NALCN: variants seen among roughly 807,000 people sequenced by gnomAD.
NALCN encodes the protein sodium leak channel NALCN.
A neutral mutation model predicts 225.3 loss-of-function variants in NALCN; 111 were observed. That is an observed-to-expected ratio of 0.49 (90% CI 0.42 to 0.58). The LOEUF is 0.58. NALCN is among the 20% of genes least tolerant of loss of function. The pLI is 0.00. For synonymous variants in NALCN, 764 were observed against 769.0 expected, an observed-to-expected ratio of 0.99 and a Z score of 0.11; for missense variants, 1,378 against 2,202.4, an observed-to-expected ratio of 0.63 and a Z score of 7.49.
At chr13:101,303,152 G>T (rs1426034709) in intron 7 of NALCN, among the ~76,000 whole-genome samples, 1 of 152,126 alleles carries the variant, frequency 6.6e-6, no homozygotes, top group Non-Finnish European at 1.5e-5. Flanking sequence ...ATGAAGACAG[G>T]ATTGATAACT....
rs886146595 is a variant in NALCN at position 101,292,150 on chromosome 13, C to T, written c.943-56G>A. On this transcript the variant is annotated intron_variant, in intron 8 of 43. Coordinates refer to ENST00000251127, the MANE Select transcript of NALCN (RefSeq NM_052867.4). This position sits in a 1 kb window ranked among gnomAD's most constrained non-coding sequence, Gnocchi z 4.3. ...AGTCTAAGAATGACAAAGCAGAGGG[C>T]AACCAAAACCAAACAAAAGATCTGC... 10 of 1,611,584 alleles carry T rather than the reference C, an allele frequency of 6.2e-6. No individual in the cohort carries two copies. The South Asian group carries it at 8.8e-5, about 14-fold the overall frequency.
At chr13:101,155,452 C>T (rs984161103) in intron 15 of NALCN, among the ~76,000 whole-genome samples, 3 of 152,068 alleles carry the variant, frequency 2.0e-5, no homozygotes, top group Admixed American at 6.6e-5. Flanking sequence ...CAGAGTGTCC[C>T]CCAATTTTGG....
chr13:101,413,256 A>G (rs1246280132), intron 1 of NALCN, among the ~76,000 whole-genome samples: 1 of 152,186 alleles, frequency 6.6e-6, no homozygotes. Flanking sequence ...GAAATTTATC[A>G]TAAATAAATT....
intron 31 of NALCN, 34 bp from the exon 32 acceptor site, chr13:101,083,232 G>T: frequency 6.5e-7 from 1 of 1,529,990 alleles, no homozygotes; most frequent in South Asian, 1.1e-5. Flanking sequence ...GGGCATTTTA[G>T]ACACAGGTCA....
chr13:101,353,792 T>C (rs1225888750), intron 6 of NALCN, among the ~76,000 whole-genome samples: 1 of 151,462 alleles, frequency 6.6e-6, no homozygotes, highest in Non-Finnish European at 1.5e-5. Context: ...ATAAAAATGG[T>C]AAAATTAAGT....
intron 7 of NALCN, among the ~76,000 whole-genome samples, chr13:101,301,211 T>G (rs1195759523): frequency 6.6e-6 from 1 of 152,194 alleles, no homozygotes. Flanking sequence ...GTGTAGGTAC[T>G]ACAGCAGAAC....
chr13:101,067,449 C>G (rs2762155), intron 39 of NALCN, among the ~76,000 whole-genome samples: 7,214 of 152,196 alleles, frequency 0.047, 544 homozygotes, highest in African/African-American at 0.16. Flanking sequence ...TTTAAGAAAC[C>G]TTGGGTAAAC....
At chr13:101,346,348 G>C (rs1034378124) in intron 6 of NALCN, among the ~76,000 whole-genome samples, 15 of 151,930 alleles carry the variant, frequency 9.9e-5, no homozygotes, top group Non-Finnish European at 2.9e-5. Flanking sequence ...ACGTTAACTT[G>C]TCTGAGGAGT....
chr13:101,105,362 C>T lies in NALCN; in HGVS notation c.2580-412G>A, dbSNP rs16958353. On this transcript the variant is annotated intron_variant, in intron 22 of 43. Coordinates refer to ENST00000251127, the MANE Select transcript of NALCN (RefSeq NM_052867.4). ...ACTCCATAATTTAAATAGACTTCTT[C>T]CCCCTGCATTTAACTGTGATGTGGT... 9.6e-3 allele frequency among the ~76,000 whole-genome samples: 1,456 copies of T among 152,206 alleles called. 19 individuals are homozygous for T. Among genetic ancestry groups the T allele is most frequent in the African/African-American group, 0.033 (1,365 of 41,542 alleles).
chr13:101,188,429 C>T (rs2039535833), intron 14 of NALCN, among the ~76,000 whole-genome samples: 1 of 152,034 alleles, frequency 6.6e-6, no homozygotes, highest in South Asian at 2.1e-4. Context: ...AGACCACTCC[C>T]CTAGGGATGG....
At chr13:101,296,596 T>C (rs1594624808) in intron 7 of NALCN, among the ~76,000 whole-genome samples, 1 of 152,240 alleles carries the variant, frequency 6.6e-6, no homozygotes, top group Admixed American at 6.5e-5. Context: ...ATTTTAATTA[T>C]AGAACTAAAA....
At chr13:101,192,779 C>T (rs1028282888) in intron 13 of NALCN, among the ~76,000 whole-genome samples, 1 of 152,176 alleles carries the variant, frequency 6.6e-6, no homozygotes, top group African/African-American at 2.4e-5. Flanking sequence ...TTCATTCTTA[C>T]ATATTTTTCT....
At chr13:101,253,817 G>A (rs1023571983) in intron 11 of NALCN, among the ~76,000 whole-genome samples, 15 of 152,278 alleles carry the variant, frequency 9.9e-5, no homozygotes, top group Middle Eastern at 3.4e-3. Context: ...TTGAGACAGA[G>A]AGAGGGTGGT....
intron 34 of NALCN, among the ~76,000 whole-genome samples, chr13:101,080,914 C>A (rs2033611927): frequency 6.6e-6 from 1 of 151,898 alleles, no homozygotes; most frequent in Non-Finnish European, 1.5e-5. Flanking sequence ...GTTCAGTACA[C>A]CCATAGCTGC....
In NALCN at chr13:101,082,886, G is replaced by A; in HGVS notation, c.3691-3C>T. 6.2e-7 allele frequency: 1 copy of A among 1,614,152 alleles called. No homozygotes were observed. ...GTCACCGGGTCCTCGACGTCCCACT[G>A]CAACAGAAACAGCACACGAGTCGTT... On this transcript the variant is annotated splice_polypyrimidine_tract_variant and splice_region_variant and intron_variant, in intron 32 of 43. Transcript: ENST00000251127.
At chr13:101,121,260 A>T (rs2035960525) in intron 18 of NALCN, among the ~76,000 whole-genome samples, 3 of 152,094 alleles carry the variant, frequency 2.0e-5, no homozygotes, top group African/African-American at 7.2e-5. Flanking sequence ...GAGAGCTGAG[A>T]ATTGAAATTA....
rs1237517739 is a variant in NALCN, at chr13:101,111,171, C to G, written c.2248G>C (p.Glu750Gln). 1.2e-6 allele frequency: 2 copies of G among 1,609,118 alleles called. No homozygotes were observed. The highest frequency in any genetic ancestry group is 8.5e-7 in the Non-Finnish European group (1 of 1,176,266). Residue 750 changes from glutamate to glutamine, a missense_variant, in exon 19 of 44, where the codon GAG becomes CAG. By Grantham distance (29) the Glu-to-Gln change is conservative. Transcript: ENST00000251127. ...TGCTGCACGCTGAGGATTGACCTCTCCTTTGCGGGCTGCCCCTCAAATGAT... is the reference window on the plus strand; with the variant it reads ...TGCTGCACGCTGAGGATTGACCTCTGCTTTGCGGGCTGCCCCTCAAATGAT... Reference protein sequence around the residue: ...SGSFEGQPAKERSILSVQHHI... With the variant: ...SGSFEGQPAKQRSILSVQHHI...
chr13:101,404,378 CTTATTT>C (rs1364949182), intron 1 of NALCN, among the ~76,000 whole-genome samples: 2 of 152,110 alleles, frequency 1.3e-5, no homozygotes, highest in African/African-American at 4.8e-5. Flanking sequence ...TAATTCTATT[CTTATTT>C]TATTTTCATT....
At chr13:101,366,928 C>G (rs1449410069) in intron 6 of NALCN, among the ~76,000 whole-genome samples, 1 of 151,870 alleles carries the variant, frequency 6.6e-6, no homozygotes, top group Non-Finnish European at 1.5e-5. Flanking sequence ...CATTCCCTTG[C>G]AGCTCCATCT....
Sources: gnomAD v4.1 joint callset for allele counts (sites outside exome capture counted in the v4.1 genomes callset) on GRCh38, gnomAD v4.1.1 for gene constraint, Gnocchi (gnomAD v3.1) non-coding constraint, MANE v1.5 for transcripts, NCBI Gene and HGNC (gene_info 2026-07-23, HGNC 2026-07-21) for gene names.